SLIT2: variants seen among roughly 807,000 people sequenced by gnomAD.
The protein encoded by SLIT2 is slit guidance ligand 2.
A neutral mutation model predicts 185.7 loss-of-function variants in SLIT2; 41 were observed. The ratio of observed to expected loss-of-function variants is 0.22; its 90% CI spans 0.17 to 0.29. The LOEUF (loss-of-function observed/expected upper bound fraction) is 0.29, where lower values mean the gene tolerates loss of function less well. Among genes scored for constraint, SLIT2 ranks in the 10% least tolerant of loss-of-function variants. The pLI is 1.00. For missense variants in SLIT2, 1,571 were observed against 1,909.0 expected, an observed-to-expected ratio of 0.82 and a Z score of 3.30; for synonymous variants, 693 against 680.2, an observed-to-expected ratio of 1.02 and a Z score of -0.29.
At chr4:20,503,548 A>G (rs1718926561) in intron 9 of SLIT2, among the ~76,000 whole-genome samples, 1 of 147,600 alleles carries the variant, frequency 6.8e-6, no homozygotes, top group South Asian at 2.1e-4. Context: ...TCTGTGGGCC[A>G]TGTGCCTAAG....
chr4:20,288,240 G>A (rs970930185), intron 4 of SLIT2, among the ~76,000 whole-genome samples: 1 of 152,208 alleles, frequency 6.6e-6, no homozygotes, highest in Non-Finnish European at 1.5e-5. Flanking sequence ...CAAACAGGGT[G>A]GGATTCCGAT....
chr4:20,379,886 A>G (rs1391050277), intron 4 of SLIT2, among the ~76,000 whole-genome samples: 1 of 152,042 alleles, frequency 6.6e-6, no homozygotes, highest in Non-Finnish European at 1.5e-5. Flanking sequence ...AATAGAAGAG[A>G]AAGACTTCGA....
At chr4:20,558,048 A>C (rs1011436072) in intron 26 of SLIT2, among the ~76,000 whole-genome samples, 10 of 152,080 alleles carry the variant, frequency 6.6e-5, no homozygotes, top group African/African-American at 2.4e-4. Context: ...ATGAGCAAAC[A>C]AAGTGGTTTA....
At chr4:20,376,815 T>A (rs977655260) in intron 4 of SLIT2, among the ~76,000 whole-genome samples, 1 of 152,018 alleles carries the variant, frequency 6.6e-6, no homozygotes, top group African/African-American at 2.4e-5. Flanking sequence ...TAGGTGGGAA[T>A]TGAACAATGA....
intron 4 of SLIT2, among the ~76,000 whole-genome samples, chr4:20,281,136 T>TA (rs550818917): frequency 1.5e-4 from 23 of 152,096 alleles, no homozygotes; most frequent in Middle Eastern, 3.4e-3. Flanking sequence ...CCCAGCTGGT[T>TA]AAAAAAATGA....
In SLIT2 at chr4:20,528,253, C is replaced by T. The variant is rs373576180; in HGVS notation, c.1463-696C>T. ...CCCTCCATTTTCCTCTTGGTCTTAC[C>T]TTTGGCCTAGTGGTTGGTGTAGTGA... On this transcript the variant is annotated intron_variant, in intron 15 of 36. Transcript: ENST00000504154. This position sits in a 1 kb window ranked among gnomAD's most constrained non-coding sequence, Gnocchi z 4.2. The T allele has an allele frequency of 8.4e-5, 45 of 534,090 alleles. No homozygotes were observed. Among genetic ancestry groups the T allele is most frequent in the African/African-American group, 8.3e-4 (43 of 51,962 alleles). 33.1% of individuals were successfully genotyped at this position (534,090 alleles called of 1,614,324 possible). A position where few individuals can be genotyped will look rare whatever the true frequency, so the allele number is the denominator to read the frequency against.
At chr4:20,325,571 A>G (rs186714949) in intron 4 of SLIT2, among the ~76,000 whole-genome samples, 135 of 152,266 alleles carry the variant, frequency 8.9e-4, no homozygotes, top group Non-Finnish European at 1.6e-3. Flanking sequence ...ACAAATTTTT[A>G]CATCAGATTA....
chr4:20,504,507 A>G (rs1035620634), intron 9 of SLIT2, among the ~76,000 whole-genome samples: 6 of 152,156 alleles, frequency 3.9e-5, no homozygotes, highest in Non-Finnish European at 5.9e-5. Flanking sequence ...AGATAGTGCT[A>G]TATTTTAATC....
chr4:20,351,647 G>T (rs2109264729), intron 4 of SLIT2, among the ~76,000 whole-genome samples: 1 of 152,212 alleles, frequency 6.6e-6, no homozygotes, highest in Non-Finnish European at 1.5e-5. Flanking sequence ...TCAGTGAGTG[G>T]GGAAGCAGGG....
chr4:20,331,441 T>C (rs1233263605), intron 4 of SLIT2, among the ~76,000 whole-genome samples: 1 of 152,160 alleles, frequency 6.6e-6, no homozygotes, highest in Non-Finnish European at 1.5e-5. Flanking sequence ...TGTGTCCATA[T>C]TGTTACTATA....
intron 33 of SLIT2, among the ~76,000 whole-genome samples, chr4:20,604,445 G>T (rs1157032852): frequency 6.6e-6 from 1 of 152,040 alleles, no homozygotes; most frequent in Non-Finnish European, 1.5e-5. Flanking sequence ...TGCCACCCGG[G>T]TTCATGCCAT....
chr4:20,271,076 G>A (rs1156672019), intron 4 of SLIT2, among the ~76,000 whole-genome samples: 1 of 151,848 alleles, frequency 6.6e-6, no homozygotes, highest in African/African-American at 2.4e-5. Flanking sequence ...GAAAAGCAAG[G>A]GTACAAGTTC....
intron 6 of SLIT2, among the ~76,000 whole-genome samples, chr4:20,485,226 G>A (rs929375962): frequency 2.6e-5 from 4 of 152,098 alleles, no homozygotes; most frequent in African/African-American, 9.7e-5. Flanking sequence ...GGTGATGAAA[G>A]CTCATATGTT....
At chr4:20,424,515 T>G (rs1297687306) in intron 4 of SLIT2, among the ~76,000 whole-genome samples, 1 of 152,074 alleles carries the variant, frequency 6.6e-6, no homozygotes, top group Non-Finnish European at 1.5e-5. Flanking sequence ...TAGTAACCAT[T>G]TATTCACAGA....
At chr4:20,537,542 C>A (rs1045185857) in intron 18 of SLIT2, among the ~76,000 whole-genome samples, 6 of 152,208 alleles carry the variant, frequency 3.9e-5, no homozygotes, top group Admixed American at 3.9e-4. Context: ...CAGGACTCTC[C>A]CTGTGAAAAG....
chr4:20,590,504 G>A (rs1169183223), intron 30 of SLIT2, among the ~76,000 whole-genome samples: 1 of 152,168 alleles, frequency 6.6e-6, no homozygotes, highest in African/African-American at 2.4e-5. Context: ...GGCTGCCCCA[G>A]GGAGTCCCAG....
intron 4 of SLIT2, among the ~76,000 whole-genome samples, chr4:20,464,840 T>C (rs568564261): frequency 1.3e-5 from 2 of 150,470 alleles, no homozygotes; most frequent in East Asian, 3.9e-4. Flanking sequence ...ACTGTCAGTA[T>C]TTTTTTTAAT....
intron 19 of SLIT2, among the ~76,000 whole-genome samples, chr4:20,541,162 C>A (rs73801865): frequency 6.6e-6 from 1 of 152,088 alleles, no homozygotes; most frequent in Admixed American, 6.5e-5. Flanking sequence ...TATCAGGATC[C>A]ACTGTATAAA....
rs796229866 is a variant in SLIT2, at chr4:20,254,783, C to G, written c.179+789C>G. The G allele has an allele frequency of 2.5e-6, 1 of 392,596 alleles. No individual in the cohort carries two copies. The highest frequency in any genetic ancestry group is 2.1e-5 in the African/African-American group (1 of 48,156). 24.3% of individuals were successfully genotyped at this position (392,596 alleles called of 1,614,324 possible). ...GGCGACCCGGCGGTGCCCGGCTGCC[C>G]CCTCCGGCCCTTCCTGCTGAACCCC... On this transcript the variant is annotated intron_variant, in intron 1 of 36. Coordinates refer to ENST00000504154, the MANE Select transcript of SLIT2 (RefSeq NM_004787.4). This position sits in a 1 kb window ranked among gnomAD's most constrained non-coding sequence, Gnocchi z 5.1.
Sources: gnomAD v4.1 joint callset for allele counts (sites outside exome capture counted in the v4.1 genomes callset) on GRCh38, gnomAD v4.1.1 for gene constraint, Gnocchi (gnomAD v3.1) non-coding constraint, MANE v1.5 for transcripts, NCBI Gene and HGNC (gene_info 2026-07-23, HGNC 2026-07-21) for gene names.